The following BRAT1 variants were observed in gnomAD, a reference collection of about 807,000 sequenced individuals.
BRAT1 encodes the protein integrator complex assembly factor BRAT1.
In BRAT1, 74 loss-of-function variants were observed where a neutral mutation model predicts 70.6. That is an observed-to-expected ratio of 1.05 (90% CI 0.87 to 1.27). BRAT1 has a LOEUF of 1.27. Among genes scored for constraint, BRAT1 ranks in the 50% most tolerant of loss-of-function variants. BRAT1 has a pLI of 0.00. For missense variants in BRAT1, 1,203 were observed against 1,098.2 expected, an observed-to-expected ratio of 1.10 and a Z score of -1.35; for synonymous variants, 615 against 517.1, an observed-to-expected ratio of 1.19 and a Z score of -2.57.
Position 2,543,400 on chromosome 7 carries a change from G to T in BRAT1, c.804-77C>A. 1 of 1,507,538 alleles carries T rather than the reference G, an allele frequency of 6.6e-7. No homozygotes were observed. The allele number at this position is 1,507,538 out of a possible 1,614,324, so 93.4% of individuals were successfully genotyped here. ...TTCGAGGCCTGGCTGAGACTGCCATGGCTCCGGCACTGGAGGCGCCCAGCC... is the reference window on the plus strand; with the variant it reads ...TTCGAGGCCTGGCTGAGACTGCCATTGCTCCGGCACTGGAGGCGCCCAGCC... On this transcript the variant is annotated intron_variant, in intron 5 of 13. Transcript: ENST00000340611. The surrounding 1 kb of genome is among the most constrained non-coding windows in gnomAD (Gnocchi z 5.5).
intron 4 of BRAT1, chr7:2,544,194 C>CTT: frequency 1.1e-5 from 2 of 176,956 alleles, no homozygotes; most frequent in East Asian, 7.9e-5. Flanking sequence ...TTCGTTCCTT[C>CTT]TTGTTGTTTT....
chr7:2,546,865 G>A lies in BRAT1; in HGVS notation c.282+459C>T, dbSNP rs143796245. Among the ~76,000 whole-genome samples, 71 of 152,304 alleles carry A rather than the reference G, an allele frequency of 4.7e-4. 1 individual carries two copies. The East Asian group carries it at 0.014, about 29-fold the overall frequency. On this transcript the variant is annotated intron_variant, in intron 3 of 13. Coordinates refer to ENST00000340611, the MANE Select transcript of BRAT1 (RefSeq NM_152743.4). Reference sequence around the variant, plus strand: ...GGCTGGGTCGCTGGAGGTGCAGGATGTGCGGTCTCATTTGGTCCTCACGAC... The same window carrying A: ...GGCTGGGTCGCTGGAGGTGCAGGATATGCGGTCTCATTTGGTCCTCACGAC...
At chr7:2,551,774 A>T (rs1300409810) in intron 2 of BRAT1, among the ~76,000 whole-genome samples, 1 of 151,848 alleles carries the variant, frequency 6.6e-6, no homozygotes, top group African/African-American at 2.4e-5. Context: ...CATATAGTGA[A>T]ATCTCTAGAA....
At position 2,537,872 on chromosome 7, in the gene BRAT1, ATTTAT is replaced by A. The variant is rs1231247062; in HGVS notation, c.*192_*196del. ...AGGGTTAAAGAAAGACTTCAATGCC[ATTTAT>A]TTTGAGTAGAAATAAGTCATTTCTT... On this transcript the variant is annotated 3_prime_UTR_variant, in exon 14 of 14. Transcript: ENST00000340611. 47 of 905,224 alleles carry A rather than the reference ATTTAT, an allele frequency of 5.2e-5. No individual in the cohort carries two copies. Among genetic ancestry groups the A allele is most frequent in the Non-Finnish European group, 7.0e-5 (46 of 660,896 alleles). The allele number at this position is 905,224 out of a possible 1,614,324, so 56.1% of individuals were successfully genotyped here. A position where few individuals can be genotyped will look rare whatever the true frequency, so the allele number is the denominator to read the frequency against.
chr7:2,545,835 A>G (rs1396800537), intron 3 of BRAT1, among the ~76,000 whole-genome samples: 1 of 152,136 alleles, frequency 6.6e-6, no homozygotes, highest in Non-Finnish European at 1.5e-5. Context: ...GGGCCCCCGG[A>G]TTCACTGTAC....
At position 2,538,602 on chromosome 7, in the gene BRAT1, C is replaced by A; in HGVS notation, c.1933G>T (p.Asp645Tyr). The A allele has an allele frequency of 1.9e-6, 3 of 1,597,684 alleles. No homozygotes were observed. Among genetic ancestry groups the A allele is most frequent in the Non-Finnish European group, 2.5e-6 (3 of 1,178,644 alleles). Residue 645 changes from aspartate to tyrosine, a missense_variant, in exon 14 of 14, where the codon GAC becomes TAC. Coordinates refer to ENST00000340611, the MANE Select transcript of BRAT1 (RefSeq NM_152743.4). ...TGGGCGCGGACCTCCCAGTCCAGGT[C>A]TCGGCTCGCCGCCTGCAGCACAGTG... ...VATVLQAASR[D>Y]LDWEVRAQGL...
At position 2,542,143 on chromosome 7, in the gene BRAT1, G is replaced by A. The variant is rs773976867; in HGVS notation, c.992C>T (p.Thr331Met). Residue 331 changes from threonine to methionine, a missense_variant, in exon 7 of 14, where the codon ACG (threonine) becomes ATG (methionine). Physicochemically the swap from Thr to Met is moderately conservative, Grantham distance 81. Coordinates refer to ENST00000340611, the MANE Select transcript of BRAT1 (RefSeq NM_152743.4). ...LQPLACVLKA[T>M]VQAPGPPGLL... ...ACCTGGGGGTCCGGGGGCCTGAACC[G>A]TGGCCTTCAGGACACAGGCCAGGGG... is the stretch of plus-strand genomic sequence containing the variant. 45 of 1,565,574 alleles carry A rather than the reference G, an allele frequency of 2.9e-5. No homozygotes were observed. The highest frequency in any genetic ancestry group is 1.1e-4 in the African/African-American group (8 of 73,674).
intron 9 of BRAT1, 89 bp downstream of exon 9, chr7:2,541,209 G>A (rs1355335111): frequency 7.0e-7 from 1 of 1,420,728 alleles, no homozygotes; most frequent in East Asian, 2.4e-5. Flanking sequence ...GAAACAGAGA[G>A]GGACAGCAGT....
intron 6 of BRAT1, chr7:2,542,541 A>C: frequency 7.1e-6 from 1 of 141,194 alleles, no homozygotes; most frequent in Non-Finnish European, 1.3e-5. Context: ...TACAGCGTCC[A>C]CTCTGTGGGA....
Position 2,541,050 on chromosome 7 carries a change from G to A in BRAT1, c.1324C>T (p.Pro442Ser), listed in dbSNP as rs1562572148. 1.3e-6 allele frequency: 2 copies of A among 1,565,092 alleles called. No homozygotes were observed. Among genetic ancestry groups the A allele is most frequent in the East Asian group, 2.4e-5 (1 of 42,516 alleles). The stretch of plus-strand genomic sequence containing the variant: ...AGCGCCTGCGTCACCAGCTCCTGGG[G>A]GCCTGAGACAGAGGTGAGTGGATAA... ...FLGTLSQGTG[P>S]QELVTQALAV... The change falls in exon 10 of 14, where the codon CCC (proline) becomes TCC (serine). Residue 442 changes from proline to serine, a missense_variant and splice_region_variant. Transcript: ENST00000340611.
In BRAT1 at chr7:2,543,669, GA is replaced by G; in HGVS notation, c.723del (p.Arg243AlafsTer45). 6.4e-7 allele frequency: 1 copy of G among 1,561,000 alleles called. No homozygotes were observed. Among genetic ancestry groups the G allele is most frequent in the Non-Finnish European group, 8.7e-7 (1 of 1,148,028 alleles). On this transcript the variant is annotated frameshift_variant, in exon 5 of 14. Transcript: ENST00000340611. LOFTEE classifies it high-confidence loss of function. The surrounding 1 kb of genome is among the most constrained non-coding windows in gnomAD (Gnocchi z 5.5). Reference sequence around the variant, plus strand: ...CTCTCCAGCAGACAGGCCACGCGGGGACTCAGCCGCACCCACAGGGCTTCCG... The same window carrying G: ...CTCTCCAGCAGACAGGCCACGCGGGGCTCAGCCGCACCCACAGGGCTTCCG... ...PWTEALWVRL[S>X]PRVACLLERD...
intron 4 of BRAT1, among the ~76,000 whole-genome samples, chr7:2,544,590 C>T (rs924189662): frequency 6.6e-6 from 1 of 152,078 alleles, no homozygotes; most frequent in African/African-American, 2.4e-5. Context: ...AGCCTCGAAC[C>T]CCTGGGCTCA....
chr7:2,544,900 C>T lies in BRAT1; in HGVS notation c.430+9G>A, dbSNP rs758201077. ...GATGAGGAATGGGGTGGGGTGTGGG[C>T]GCACTCACCATGGTCGGCCAGGAAG... On this transcript the variant is annotated intron_variant, in intron 4 of 13. Coordinates refer to ENST00000340611, the MANE Select transcript of BRAT1 (RefSeq NM_152743.4). 61 of 1,548,662 alleles carry T rather than the reference C, an allele frequency of 3.9e-5. No homozygotes were observed. Among genetic ancestry groups the T allele is most frequent in the Non-Finnish European group, 5.0e-5 (57 of 1,146,562 alleles).
intron 4 of BRAT1, 79 bp from the exon 5 acceptor site, chr7:2,544,041 G>A (rs1411378596): frequency 4.2e-6 from 4 of 947,906 alleles, no homozygotes; most frequent in African/African-American, 2.5e-5. Context: ...CCTCAGGGAA[G>A]ATACAAATAG....
At chr7:2,555,109 G>A (rs370098257) in intron 1 of BRAT1, among the ~76,000 whole-genome samples, 4 of 149,924 alleles carry the variant, frequency 2.7e-5, no homozygotes, top group South Asian at 4.2e-4. Context: ...GGGAGAGGGG[G>A]GCGGCGGGGT....
chr7:2,549,348 G>A (rs531825661), intron 2 of BRAT1, among the ~76,000 whole-genome samples: 6 of 152,008 alleles, frequency 3.9e-5, no homozygotes, highest in Middle Eastern at 3.4e-3. Flanking sequence ...ATGGTGGCGC[G>A]CATCTATAGT....
In BRAT1 at chr7:2,538,212, T is replaced by C. The variant is rs1778833582; in HGVS notation, c.2323A>G (p.Met775Val). 2 of 1,609,900 alleles carry C rather than the reference T, an allele frequency of 1.2e-6. No individual in the cohort carries two copies. Among genetic ancestry groups the C allele is most frequent in the African/African-American group, 1.3e-5 (1 of 75,008 alleles). ...GDQEPEAVLA[M>V]LRSLDLEGLR... ...CCCTCCAGGTCTAGGGACCTGAGCA[T>C]GGCCAGCACAGCCTCAGGCTCCTGG... is the stretch of plus-strand genomic sequence containing the variant. Residue 775 changes from methionine to valine, a missense_variant, in exon 14 of 14, where the codon ATG becomes GTG. By Grantham distance (21) the Met-to-Val change is conservative. Coordinates refer to ENST00000340611, the MANE Select transcript of BRAT1 (RefSeq NM_152743.4).
chr7:2,540,069 C>T (rs1583297089), intron 10 of BRAT1, 181 bp from the exon 11 acceptor site: 1 of 545,650 alleles, frequency 1.8e-6, no homozygotes, highest in Non-Finnish European at 3.2e-6. Flanking sequence ...ATGTGTCATC[C>T]AGGCTGGACT....
chr7:2,550,717 G>C (rs2128409357), intron 2 of BRAT1, among the ~76,000 whole-genome samples: 1 of 152,162 alleles, frequency 6.6e-6, no homozygotes, highest in African/African-American at 2.4e-5. Flanking sequence ...ACAGAGGCTG[G>C]GAGGGAGGAG....
Sources: gnomAD v4.1 joint callset for allele counts (sites outside exome capture counted in the v4.1 genomes callset) on GRCh38, gnomAD v4.1.1 for gene constraint, Gnocchi (gnomAD v3.1) non-coding constraint, MANE v1.5 for transcripts, NCBI Gene and HGNC (gene_info 2026-07-23, HGNC 2026-07-21) for gene names.